Variants in AGAP1 observed in about 807,000 individuals in gnomAD.
AGAP1 encodes ArfGAP with GTPase domain, ankyrin repeat and PH domain 1.
Under a neutral mutation model 105.3 loss-of-function variants are expected in AGAP1, and 29 were observed. The ratio of observed to expected loss-of-function variants is 0.28; its 90% CI spans 0.21 to 0.38. The LOEUF (loss-of-function observed/expected upper bound fraction) is 0.38. Among genes scored for constraint, AGAP1 ranks in the 10% least tolerant of loss-of-function variants. The probability of loss-of-function intolerance (pLI) is 1.00; values close to 1 mark genes in which losing one functional copy is unlikely to be tolerated. For synonymous variants in AGAP1, 509 were observed against 485.9 expected, an observed-to-expected ratio of 1.05 and a Z score of -0.63; for missense variants, 998 against 1,165.1, an observed-to-expected ratio of 0.86 and a Z score of 2.09.
intron 1 of AGAP1, among the ~76,000 whole-genome samples, chr2:235,521,809 C>T (rs1942635404): frequency 6.7e-6 from 1 of 150,192 alleles, no homozygotes; most frequent in Non-Finnish European, 1.5e-5. Context: ...GCTGTATAGT[C>T]TACGTCTATC....
chr2:235,718,097 T>C (rs1211422763), intron 3 of AGAP1, among the ~76,000 whole-genome samples: 2 of 152,216 alleles, frequency 1.3e-5, no homozygotes, highest in Non-Finnish European at 2.9e-5. Flanking sequence ...TCCCCCCTTA[T>C]ATTATAAACA....
chr2:236,059,761 T>A (rs2058139936), intron 16 of AGAP1, among the ~76,000 whole-genome samples: 1 of 152,220 alleles, frequency 6.6e-6, no homozygotes, highest in Non-Finnish European at 1.5e-5. Context: ...CTGGGACAAC[T>A]GGATATCCAC....
chr2:235,883,573 C>A lies in AGAP1; in HGVS notation c.1155+124C>A. ...TGAAGTGAAAGTCGTATTTGGTCTC[C>A]TGCTCAACTGTGAGATAAATAACCC... On this transcript the variant is annotated intron_variant, in intron 10 of 17. Transcript: ENST00000304032. The surrounding 1 kb of genome is among the most constrained non-coding windows in gnomAD (Gnocchi z 4.5). 1.4e-6 allele frequency: 1 copy of A among 715,398 alleles called. No individual in the cohort carries two copies. The highest frequency in any genetic ancestry group is 1.8e-5 in the African/African-American group (1 of 56,548). 44.3% of individuals were successfully genotyped at this position (715,398 alleles called of 1,614,324 possible).
In AGAP1 at chr2:235,792,088, C is replaced by T. The variant is rs555714109; in HGVS notation, c.674-5671C>T. On this transcript the variant is annotated intron_variant, in intron 6 of 17. Coordinates refer to ENST00000304032, the MANE Select transcript of AGAP1 (RefSeq NM_001037131.3). The surrounding 1 kb of genome is among the most constrained non-coding windows in gnomAD (Gnocchi z 5.3). ...TAATCCCTACCTAACAGTGCTTACT[C>T]GGAATTGCTCCCCCGCCTCCCAAGT... 3.5e-4 allele frequency among the ~76,000 whole-genome samples: 54 copies of T among 152,242 alleles called. No individual in the cohort carries two copies. Among genetic ancestry groups the T allele is most frequent in the African/African-American group, 1.3e-3 (52 of 41,524 alleles).
At chr2:236,118,819 TC>T in intron 16 of AGAP1, among the ~76,000 whole-genome samples, 1 of 152,126 alleles carries the variant, frequency 6.6e-6, no homozygotes, top group South Asian at 2.1e-4. Flanking sequence ...AAATTTCTTG[TC>T]CCCCACCACC....
At chr2:235,598,327 TCTTA>T (rs1945610166) in intron 1 of AGAP1, among the ~76,000 whole-genome samples, 1 of 152,194 alleles carries the variant, frequency 6.6e-6, no homozygotes, top group African/African-American at 2.4e-5. Context: ...TAAATAATTA[TCTTA>T]CTTATTTTTA....
chr2:235,808,695 C>T (rs534167341), intron 9 of AGAP1, among the ~76,000 whole-genome samples: 34 of 152,306 alleles, frequency 2.2e-4, no homozygotes, highest in African/African-American at 7.9e-4. Flanking sequence ...CAGGTCATCA[C>T]CAAGGCCCTC....
At chr2:235,653,465 A>T (rs1027309112) in intron 1 of AGAP1, among the ~76,000 whole-genome samples, 3 of 143,266 alleles carry the variant, frequency 2.1e-5, no homozygotes, top group African/African-American at 8.0e-5. Context: ...CCTCCATCTC[A>T]AAAATAAATA....
At chr2:235,652,256 A>G (rs1231156541) in intron 1 of AGAP1, among the ~76,000 whole-genome samples, 3 of 152,184 alleles carry the variant, frequency 2.0e-5, no homozygotes, top group South Asian at 4.1e-4. Flanking sequence ...TGGCCCTGCA[A>G]CAGGGCCCTG....
intron 16 of AGAP1, among the ~76,000 whole-genome samples, chr2:236,064,165 A>G (rs918199399): frequency 3.9e-5 from 6 of 152,226 alleles, no homozygotes; most frequent in African/African-American, 1.2e-4. Context: ...GGACCAAGCC[A>G]GAATTAGCCT....
In AGAP1 at chr2:235,675,301, T is replaced by C. The variant is rs961409698; in HGVS notation, c.164-33878T>C. On this transcript the variant is annotated intron_variant, in intron 1 of 17. Transcript: ENST00000304032. ...GCCTCCCGGGTTCATGCCATGCTCCTGCCTCAGCCTCTCCGAATAGCTGGG... is the reference window on the plus strand; with the variant it reads ...GCCTCCCGGGTTCATGCCATGCTCCCGCCTCAGCCTCTCCGAATAGCTGGG... Among the ~76,000 whole-genome samples, 167 of 151,380 alleles carry C rather than the reference T, an allele frequency of 1.1e-3. 1 individual carries two copies. In the Middle Eastern group the frequency reaches 0.014, roughly 12 times the overall value.
chr2:235,826,802 G>C (rs536560516), intron 9 of AGAP1, among the ~76,000 whole-genome samples: 2 of 152,196 alleles, frequency 1.3e-5, no homozygotes, highest in East Asian at 3.9e-4. Flanking sequence ...GTTTCTTCAC[G>C]AAGTTCCTGT....
rs546460018 is a variant in AGAP1 at position 236,062,577 on chromosome 2, G to C, written c.2114+13296G>C. 7.9e-5 allele frequency among the ~76,000 whole-genome samples: 12 copies of C among 152,236 alleles called. No individual in the cohort carries two copies. The highest frequency in any genetic ancestry group is 1.0e-4 in the Non-Finnish European group (7 of 68,018). ...TGCAACCCCAGACTCCCAGGCTCAA[G>C]CAATCCTACCTAGTCAGCCTCCCAA... On this transcript the variant is annotated intron_variant, in intron 16 of 17. Transcript: ENST00000304032. This position sits in a 1 kb window ranked among gnomAD's most constrained non-coding sequence, Gnocchi z 4.2.
Position 235,882,810 on chromosome 2 carries a change from TTCTCTTTG to T in AGAP1, c.1051-529_1051-522del, listed in dbSNP as rs891112661. On this transcript the variant is annotated intron_variant, in intron 9 of 17. Transcript: ENST00000304032. The surrounding 1 kb of genome is among the most constrained non-coding windows in gnomAD (Gnocchi z 4.6). ...AGTTTTTTTAGTTTGTTCTTTCTTT[TTCTCTTTG>T]TCTCTCCTCTCTCTTTCTTTCACTC... Among the ~76,000 whole-genome samples the T allele has an allele frequency of 1.3e-5, 2 of 151,954 alleles. No individual in the cohort carries two copies. The highest frequency in any genetic ancestry group is 2.9e-5 in the Non-Finnish European group (2 of 67,970).
At chr2:235,519,506 A>G (rs1412792040) in intron 1 of AGAP1, among the ~76,000 whole-genome samples, 1 of 152,196 alleles carries the variant, frequency 6.6e-6, no homozygotes, top group East Asian at 1.9e-4. Flanking sequence ...AGAAGGTGTA[A>G]TAAGCATAGA....
Position 235,660,817 on chromosome 2 carries a change from G to A in AGAP1, c.164-48362G>A, listed in dbSNP as rs564515738. On this transcript the variant is annotated intron_variant, in intron 1 of 17. Transcript: ENST00000304032. This position sits in a 1 kb window ranked among gnomAD's most constrained non-coding sequence, Gnocchi z 5.3. Reference sequence around the variant, plus strand: ...ATCACATCTTATTGTCGCAGCTACCGTATTGTTCTTGTCCCGTTTTTGCAG... The same window carrying A: ...ATCACATCTTATTGTCGCAGCTACCATATTGTTCTTGTCCCGTTTTTGCAG... Among the ~76,000 whole-genome samples the A allele has an allele frequency of 1.2e-4, 19 of 152,272 alleles. No individual in the cohort carries two copies. The highest frequency in any genetic ancestry group is 9.7e-4 in the East Asian group (5 of 5,172).
intron 1 of AGAP1, among the ~76,000 whole-genome samples, chr2:235,576,963 G>C (rs1259212181): frequency 6.6e-6 from 1 of 152,170 alleles, no homozygotes; most frequent in Non-Finnish European, 1.5e-5. Context: ...GGCCAGTTCT[G>C]CTTCTTCCCC....
In AGAP1 at chr2:236,109,954, G is replaced by A. The variant is rs1013920261; in HGVS notation, c.2115-10238G>A. 5.3e-5 allele frequency among the ~76,000 whole-genome samples: 8 copies of A among 152,284 alleles called. No homozygotes were observed. The highest frequency in any genetic ancestry group is 7.3e-5 in the Non-Finnish European group (5 of 68,032). The stretch of plus-strand genomic sequence containing the variant: ...AGGGAGAGCATGAGAAAATGATGCT[G>A]TGGATCCACCTAGACTCTCAAAGCC... On this transcript the variant is annotated intron_variant, in intron 16 of 17. Transcript: ENST00000304032. The surrounding 1 kb of genome is among the most constrained non-coding windows in gnomAD (Gnocchi z 5.4).
intron 1 of AGAP1, among the ~76,000 whole-genome samples, chr2:235,649,299 G>T (rs535107942): frequency 6.6e-6 from 1 of 152,198 alleles, no homozygotes; most frequent in Admixed American, 6.5e-5. Context: ...TATTAACACA[G>T]ATTCCTGGGC....
Sources: allele counts gnomAD v4.1 joint callset (sites outside exome capture counted in the v4.1 genomes callset), GRCh38; gene constraint gnomAD v4.1.1; non-coding constraint Gnocchi (gnomAD v3.1); transcripts MANE v1.5; gene names NCBI Gene and HGNC (gene_info 2026-07-23, HGNC 2026-07-21).